The following MEIS2 variants were observed in gnomAD, a reference collection of about 807,000 sequenced individuals.
MEIS2 encodes homeobox protein Meis2.
MEIS2 carries 9 observed loss-of-function variants against 58.6 expected under a neutral mutation model. That is an observed-to-expected ratio of 0.15 (90% confidence interval 0.09 to 0.27). The LOEUF is 0.27. Ranked by LOEUF, MEIS2 falls within the 10% of genes least tolerant of loss-of-function variation. The pLI, the probability that MEIS2 is intolerant of heterozygous loss-of-function variation, is 1.00. For synonymous variants in MEIS2, 221 were observed against 228.4 expected (o/e 0.97, Z 0.29); for missense variants, 427 against 635.0 (o/e 0.67, Z 3.52).
chr15:37,008,816 TAAG>T (rs990262464), intron 8 of MEIS2, among the ~76,000 whole-genome samples: 1 of 152,124 alleles, frequency 6.6e-6, no homozygotes, highest in African/African-American at 2.4e-5. Flanking sequence ...GGAACAAACA[TAAG>T]AAACGACATT....
intron 11 of MEIS2, chr15:36,894,429 A>G (rs2056058495): frequency 1.0e-5 from 2 of 198,850 alleles, no homozygotes; most frequent in South Asian, 2.3e-4. Context: ...TAAATGTCCA[A>G]TATCTGCCTG....
rs112135408 is a variant in MEIS2, at chr15:37,054,479, T to A, written c.755-17520A>T. Among the ~76,000 whole-genome samples the A allele has an allele frequency of 3.9e-3, 595 of 152,336 alleles. 5 individuals carry two copies. The highest frequency in any genetic ancestry group is 0.012 in the African/African-American group (509 of 41,588). On this transcript the variant is annotated intron_variant, in intron 7 of 11. Transcript: ENST00000561208. ...TTGCCCAGGCTGGACTGCCGTGGAA[T>A]GATCACGGCTTACCACAGCCTCAAC... is the stretch of plus-strand genomic sequence containing the variant.
intron 8 of MEIS2, among the ~76,000 whole-genome samples, chr15:36,996,110 T>C (rs2060514966): frequency 6.7e-6 from 1 of 150,238 alleles, no homozygotes; most frequent in South Asian, 2.1e-4. Context: ...ATTATGCTAC[T>C]TAGGTTTTCC....
chr15:37,040,161 AG>A (rs1215987398), intron 7 of MEIS2, among the ~76,000 whole-genome samples: 2 of 152,274 alleles, frequency 1.3e-5, no homozygotes, highest in Non-Finnish European at 2.9e-5. Context: ...GTGCTGAAAA[AG>A]GTATGTATAC....
intron 8 of MEIS2, among the ~76,000 whole-genome samples, chr15:37,031,907 T>C (rs1233250717): frequency 2.6e-5 from 4 of 151,108 alleles, no homozygotes. Context: ...GGTTCCATCC[T>C]AGCTCACTGC....
chr15:36,964,623 A>G (rs188011656), intron 8 of MEIS2, among the ~76,000 whole-genome samples: 1 of 152,324 alleles, frequency 6.6e-6, no homozygotes, highest in African/African-American at 2.4e-5. Flanking sequence ...AAAGAAGGGG[A>G]AAAACCTGTA....
chr15:37,000,968 C>T lies in MEIS2; in HGVS notation c.900+35846G>A, dbSNP rs146582136. 3.0e-3 allele frequency among the ~76,000 whole-genome samples: 462 copies of T among 152,266 alleles called. 3 individuals carry two copies. Among genetic ancestry groups the T allele is most frequent in the African/African-American group, 0.011 (439 of 41,554 alleles). On this transcript the variant is annotated intron_variant, in intron 8 of 11. Transcript: ENST00000561208. ...TTCTGCCCTTGTCACTCCACTGAGA[C>T]TCTACAGACCGAAAGGTCACCAATG... is the stretch of plus-strand genomic sequence containing the variant.
intron 8 of MEIS2, among the ~76,000 whole-genome samples, chr15:37,007,564 A>G (rs529544901): frequency 1.3e-5 from 2 of 152,272 alleles, no homozygotes; most frequent in African/African-American, 4.8e-5. Flanking sequence ...TGACTCTTGG[A>G]GTCCACCATA....
At chr15:36,966,617 G>C (rs1441539642) in intron 8 of MEIS2, among the ~76,000 whole-genome samples, 2 of 152,162 alleles carry the variant, frequency 1.3e-5, no homozygotes, top group Non-Finnish European at 2.9e-5. Flanking sequence ...AATAAGTCAT[G>C]TATTAATTGA....
chr15:36,906,924 A>T (rs2141253660), intron 9 of MEIS2, among the ~76,000 whole-genome samples: 1 of 152,286 alleles, frequency 6.6e-6, no homozygotes, highest in East Asian at 1.9e-4. Flanking sequence ...CTTGTTTCTA[A>T]TAGGACCAAT....
intron 8 of MEIS2, among the ~76,000 whole-genome samples, chr15:37,000,772 G>C (rs866042297): frequency 6.6e-6 from 1 of 151,918 alleles, no homozygotes; most frequent in African/African-American, 2.4e-5. Flanking sequence ...GTTTACAAAC[G>C]TGCATGAGCA....
chr15:36,892,143 G>T lies in MEIS2; in HGVS notation c.*30C>A. 6.2e-7 allele frequency: 1 copy of T among 1,608,702 alleles called. No homozygotes were observed. Among genetic ancestry groups the T allele is most frequent in the Non-Finnish European group, 8.5e-7 (1 of 1,176,462 alleles). On this transcript the variant is annotated 3_prime_UTR_variant, in exon 12 of 12. Coordinates refer to ENST00000561208, the MANE Select transcript of MEIS2 (RefSeq NM_170675.5). ...GAAAGTCTTAAAATAGTTTTTGCGTGTGTTTCCTTTTCCCTTGAGTTCCCT... is the reference window on the plus strand; with the variant it reads ...GAAAGTCTTAAAATAGTTTTTGCGTTTGTTTCCTTTTCCCTTGAGTTCCCT...
At chr15:36,914,057 G>C (rs1266022860) in intron 9 of MEIS2, among the ~76,000 whole-genome samples, 1 of 152,202 alleles carries the variant, frequency 6.6e-6, no homozygotes. Flanking sequence ...GTGGTATGGT[G>C]GGATCTGAGG....
Position 37,023,166 on chromosome 15 carries a change from T to C in MEIS2, c.900+13648A>G, listed in dbSNP as rs144220278. ...TTCTTTATAATTCCTTTGCTTTTAC[T>C]CTCAAAACATTTCATTAAACGAAGG... On this transcript the variant is annotated intron_variant, in intron 8 of 11. Coordinates refer to ENST00000561208, the MANE Select transcript of MEIS2 (RefSeq NM_170675.5). 9.0e-3 allele frequency among the ~76,000 whole-genome samples: 1,372 copies of C among 152,310 alleles called. 17 individuals are homozygous for C. Among genetic ancestry groups the C allele is most frequent in the African/African-American group, 0.031 (1,308 of 41,562 alleles).
At chr15:36,892,535 G>GAAAAAAAAAAAAAA in intron 11 of MEIS2, 76 bp from the exon 12 acceptor site, 1 of 509,992 alleles carries the variant, frequency 2.0e-6, no homozygotes, top group Non-Finnish European at 3.2e-6. Context: ...AAGATGAAAA[G>GAAAAAAAAAAAAAA]AAAAAAAAAA....
At chr15:36,992,982 G>T (rs1371557759) in intron 8 of MEIS2, among the ~76,000 whole-genome samples, 1 of 151,990 alleles carries the variant, frequency 6.6e-6, no homozygotes, top group East Asian at 1.9e-4. Context: ...CTTCCTAATG[G>T]AGAACAAATA....
chr15:37,008,229 A>C (rs747586730), intron 8 of MEIS2, among the ~76,000 whole-genome samples: 2 of 152,250 alleles, frequency 1.3e-5, no homozygotes, highest in Non-Finnish European at 2.9e-5. Context: ...TAGGACAATG[A>C]ACTTGGCGTT....
intron 9 of MEIS2, among the ~76,000 whole-genome samples, chr15:36,932,738 A>T (rs928575486): frequency 6.6e-6 from 1 of 152,088 alleles, no homozygotes; most frequent in African/African-American, 2.4e-5. Context: ...TGTGGGTTTC[A>T]TTACATTGTC....
At chr15:37,058,470 G>T (rs984153173) in intron 7 of MEIS2, among the ~76,000 whole-genome samples, 2 of 152,186 alleles carry the variant, frequency 1.3e-5, no homozygotes, top group Non-Finnish European at 2.9e-5. Flanking sequence ...TCCTGGGCCA[G>T]GGCTGAGAGT....
Sources: allele counts gnomAD v4.1 joint callset (sites outside exome capture counted in the v4.1 genomes callset), GRCh38; gene constraint gnomAD v4.1.1; transcripts MANE v1.5; gene names NCBI Gene and HGNC (gene_info 2026-07-23, HGNC 2026-07-21).